CEP126: variants seen among roughly 807,000 people sequenced by gnomAD.
CEP126 encodes centrosomal protein of 126 kDa.
A neutral mutation model predicts 107.8 loss-of-function variants in CEP126; 74 were observed. The ratio of observed to expected loss-of-function variants is 0.69; its 90% CI spans 0.57 to 0.83. CEP126 has a LOEUF of 0.83. Among genes scored for constraint, CEP126 ranks in the 40% least tolerant of loss-of-function variants. The pLI is 0.00. For synonymous variants in CEP126, 449 were observed against 446.0 expected, an observed-to-expected ratio of 1.01 and a Z score of -0.08; for missense variants, 1,237 against 1,281.9, an observed-to-expected ratio of 0.96 and a Z score of 0.53.
chr11:101,996,799 G>A (rs1427438856), intron 10 of CEP126, among the ~76,000 whole-genome samples: 1 of 152,122 alleles, frequency 6.6e-6, no homozygotes, highest in Non-Finnish European at 1.5e-5. Context: ...AGGGGCTAAT[G>A]TTCCCATAGG....
At position 101,975,593 on chromosome 11, in the gene CEP126, T is replaced by G. The variant is rs114404265; in HGVS notation, c.2846-2754T>G. ...TTTTGTTGTTGTTTCTTTTCTTAAC[T>G]TTTATTTTCGGTTCAGAAGTATATG... On this transcript the variant is annotated intron_variant, in intron 6 of 10. Transcript: ENST00000263468. 4.4e-3 allele frequency among the ~76,000 whole-genome samples: 670 copies of G among 152,332 alleles called. 5 individuals are homozygous for G. Among genetic ancestry groups the G allele is most frequent in the African/African-American group, 0.015 (644 of 41,570 alleles).
At chr11:101,923,475 T>G (rs1019308437) in intron 2 of CEP126, among the ~76,000 whole-genome samples, 1 of 152,192 alleles carries the variant, frequency 6.6e-6, no homozygotes, top group East Asian at 1.9e-4. Context: ...ATTTCTACAA[T>G]ATATGAATAG....
In CEP126 at chr11:101,962,404, G is replaced by A; in HGVS notation, c.1369G>A (p.Val457Ile). 6.2e-7 allele frequency: 1 copy of A among 1,613,938 alleles called. No individual in the cohort carries two copies. The highest frequency in any genetic ancestry group is 8.5e-7 in the Non-Finnish European group (1 of 1,179,902). The change falls in exon 6 of 11, where the codon GTA (valine) becomes ATA (isoleucine). Residue 457 changes from valine (V) to isoleucine (I), a missense_variant. Val to Ile is a conservative substitution (Grantham distance 29). This residue lies in a region of CEP126 where 1,134 missense variants were observed against 1,150.5 expected (regional missense o/e 0.99). Transcript: ENST00000263468. ...NGTTSIPTSC[V>I]PVATPLVLPS... ...AACTACTTCAATTCCTACTTCATGT[G>A]TACCAGTGGCAACGCCTTTAGTTTT...
At chr11:101,943,050 G>A (rs1225172824) in intron 2 of CEP126, among the ~76,000 whole-genome samples, 2 of 151,648 alleles carry the variant, frequency 1.3e-5, no homozygotes, top group African/African-American at 2.4e-5. Context: ...ATCTGGACTA[G>A]AGTTAATTTC....
intron 10 of CEP126, among the ~76,000 whole-genome samples, chr11:101,996,806 T>A (rs568208302): frequency 2.6e-5 from 4 of 152,292 alleles, no homozygotes; most frequent in Admixed American, 2.0e-4. Flanking sequence ...AATGTTCCCA[T>A]AGGTTTCCTT....
Position 101,915,322 on chromosome 11 carries a change from G to C in CEP126, c.38G>C (p.Gly13Ala), listed in dbSNP as rs1206167076. The change falls in exon 1 of 11, where the codon GGG becomes GCG. Residue 13 changes from glycine (G) to alanine (A), a missense_variant. By Grantham distance (60) the Gly-to-Ala change is moderately conservative. Transcript: ENST00000263468. ...AGRPGTRSAV[G>A]ELGTESSDNL... ...AGGCCCGGAACCCGGAGCGCGGTCG[G>C]GGAACTGGGCACTGAATCATCGGAC... The C allele has an allele frequency of 6.2e-7, 1 of 1,613,912 alleles. No homozygotes were observed. Among genetic ancestry groups the C allele is most frequent in the South Asian group, 1.1e-5 (1 of 91,082 alleles).
chr11:101,995,146 C>CT (rs1168444169), intron 10 of CEP126, among the ~76,000 whole-genome samples: 2 of 151,682 alleles, frequency 1.3e-5, no homozygotes, highest in African/African-American at 2.4e-5. Flanking sequence ...ATTACTGAAT[C>CT]TTTTTTTTTA....
rs189038973 is a variant in CEP126, at chr11:102,000,492, G to A, written c.*2849G>A. ...GAGCTCAGGAATTCAAGACCAGCCT[G>A]GGTAATATGGCAAGAGCCCAACTCT... On this transcript the variant is annotated 3_prime_UTR_variant, in exon 11 of 11. Coordinates refer to ENST00000263468, the MANE Select transcript of CEP126 (RefSeq NM_020802.4). 2 of 152,268 alleles carry A rather than the reference G, an allele frequency of 1.3e-5. No homozygotes were observed. The highest frequency in any genetic ancestry group is 1.3e-4 in the Admixed American group (2 of 15,292). The allele number at this position is 152,268 out of a possible 1,614,324, so 9.4% of individuals were successfully genotyped here. A position where few individuals can be genotyped will look rare whatever the true frequency, so the allele number is the denominator to read the frequency against.
chr11:101,919,592 A>G (rs376571434), intron 1 of CEP126, among the ~76,000 whole-genome samples: 7 of 152,166 alleles, frequency 4.6e-5, no homozygotes, highest in African/African-American at 1.7e-4. Context: ...TGAATACCAT[A>G]TTTGAAATGA....
chr11:101,977,853 A>G (rs1941210247), intron 6 of CEP126, among the ~76,000 whole-genome samples: 1 of 152,140 alleles, frequency 6.6e-6, no homozygotes, highest in African/African-American at 2.4e-5. Flanking sequence ...AGCTAACGAG[A>G]GCTAATGAAT....
At chr11:101,944,125 T>C (rs1940704614) in intron 2 of CEP126, 140 bp from the exon 3 acceptor site, 1 of 774,396 alleles carries the variant, frequency 1.3e-6, no homozygotes, top group Non-Finnish European at 1.9e-6. Context: ...CAAACACCTG[T>C]TTTAAAAAAT....
In CEP126 at chr11:101,922,732, T is replaced by C. The variant is rs747292584; in HGVS notation, c.220T>C (p.Tyr74His). ...AATATGTCGAAATCGAGCACGTAAA[T>C]ATTTTGTGGAGTCAAATCGGAGAAA... ...QKICRNRARK[Y>H]FVESNRRKKA... is the part of the protein sequence containing the mutation. Residue 74 changes from tyrosine to histidine, a missense_variant, in exon 2 of 11, where the codon TAT becomes CAT. Around this residue, in one of 3 missense-constraint regions of CEP126, gnomAD observed 1,134 missense variants for 1,150.5 expected, o/e 0.99. Transcript: ENST00000263468. 1.2e-6 allele frequency: 2 copies of C among 1,612,772 alleles called. No homozygotes were observed. Among genetic ancestry groups the C allele is most frequent in the Non-Finnish European group, 1.7e-6 (2 of 1,179,102 alleles).
At chr11:101,947,198 T>C (rs375718172) in intron 3 of CEP126, among the ~76,000 whole-genome samples, 2 of 152,172 alleles carry the variant, frequency 1.3e-5, no homozygotes, top group African/African-American at 4.8e-5. Context: ...AAGAGGAAGA[T>C]AGTTTGGAAG....
At chr11:101,974,407 AAAG>A (rs1174817013) in intron 6 of CEP126, among the ~76,000 whole-genome samples, 4 of 152,206 alleles carry the variant, frequency 2.6e-5, no homozygotes, top group South Asian at 2.1e-4. Flanking sequence ...GGCTTATGAC[AAAG>A]AAGAAGGAGT....
At chr11:101,994,031 C>G (rs973767765) in intron 10 of CEP126, among the ~76,000 whole-genome samples, 1 of 152,082 alleles carries the variant, frequency 6.6e-6, no homozygotes, top group Non-Finnish European at 1.5e-5. Context: ...GTCAGTAGTT[C>G]GAGACCAGCC....
intron 10 of CEP126, among the ~76,000 whole-genome samples, chr11:101,996,016 G>GA (rs1293185590): frequency 6.6e-6 from 1 of 152,226 alleles, no homozygotes; most frequent in Non-Finnish European, 1.5e-5. Context: ...GAAGTGGTCA[G>GA]AAGCCATTAT....
chr11:101,931,637 G>A (rs1940502147), intron 2 of CEP126, among the ~76,000 whole-genome samples: 1 of 151,778 alleles, frequency 6.6e-6, no homozygotes, highest in Admixed American at 6.6e-5. Context: ...AATATATTTA[G>A]CTTTACAGTT....
chr11:101,935,505 G>A (rs1940564589), intron 2 of CEP126, among the ~76,000 whole-genome samples: 1 of 152,028 alleles, frequency 6.6e-6, no homozygotes, highest in Non-Finnish European at 1.5e-5. Flanking sequence ...AATTATATGT[G>A]TGTGGTATGA....
At chr11:101,952,723 G>C (rs781324520) in intron 4 of CEP126, among the ~76,000 whole-genome samples, 13 of 152,202 alleles carry the variant, frequency 8.5e-5, no homozygotes, top group Non-Finnish European at 1.6e-4. Context: ...GTTTGAGTTT[G>C]AGACACTTAT....
Sources: allele counts gnomAD v4.1 joint callset (sites outside exome capture counted in the v4.1 genomes callset), GRCh38; gene constraint gnomAD v4.1.1; regional missense constraint gnomAD v4.1.1; transcripts MANE v1.5; gene names NCBI Gene and HGNC (gene_info 2026-07-23, HGNC 2026-07-21).